MRPL19: variants seen among roughly 807,000 people sequenced by gnomAD.
The protein encoded by MRPL19 is large ribosomal subunit protein bL19m.
A neutral mutation model predicts 34.0 loss-of-function variants in MRPL19; 31 were observed. That is an observed-to-expected ratio of 0.91 (90% CI 0.68 to 1.23). MRPL19 has a LOEUF of 1.23. Among genes scored for constraint, MRPL19 ranks in the 50% most tolerant of loss-of-function variants. The pLI is 0.00. For synonymous variants in MRPL19, 152 were observed against 127.7 expected (o/e 1.19, Z -1.28); for missense variants, 384 against 367.6 (o/e 1.04, Z -0.37).
chr2:75,650,049 T>C (rs1258432065), intron 2 of MRPL19, among the ~76,000 whole-genome samples: 2 of 152,194 alleles, frequency 1.3e-5, no homozygotes, highest in African/African-American at 4.8e-5. Context: ...ATTACTATTT[T>C]TTGGTAGGCT....
rs17689863 is a variant in MRPL19 at position 75,655,273 on chromosome 2, G to A, written c.867G>A (p.Ser289=). 387,450 of 1,610,342 alleles carry A rather than the reference G, an allele frequency of 0.24. 49,468 individuals carry two copies. The highest frequency in any genetic ancestry group is 0.27 in the South Asian group (24,677 of 90,750). ...EAAIWKEIEA[S]KRS is the part of the protein sequence containing the mutation. Reference sequence around the variant, plus strand: ...CAATATGGAAGGAAATTGAAGCGTCGAAAAGGTCTTGATTCTGAGAATGAA... The same window carrying A: ...CAATATGGAAGGAAATTGAAGCGTCAAAAAGGTCTTGATTCTGAGAATGAA... Residue 289 remains serine, a synonymous_variant, in exon 6 of 6, where the codon TCG becomes TCA. Coordinates refer to ENST00000393909, the MANE Select transcript of MRPL19 (RefSeq NM_014763.4).
intron 2 of MRPL19, chr2:75,651,183 C>T (rs1678323886): frequency 2.7e-6 from 1 of 364,190 alleles, no homozygotes. Flanking sequence ...AAATCAGCAT[C>T]CTACTTTCTC....
At position 75,655,597 on chromosome 2, in the gene MRPL19, T is replaced by G. The variant is rs1678431347; in HGVS notation, c.*312T>G. ...AAAGGGAATAGGTGGGATGAATTTT[T>G]TTTTTAATTGTGAAACAATTCATAA... On this transcript the variant is annotated 3_prime_UTR_variant, in exon 6 of 6. Coordinates refer to ENST00000393909, the MANE Select transcript of MRPL19 (RefSeq NM_014763.4). 1 of 204,616 alleles carries G rather than the reference T, an allele frequency of 4.9e-6. No individual in the cohort carries two copies. Among genetic ancestry groups the G allele is most frequent in the Non-Finnish European group, 9.7e-6 (1 of 102,918 alleles). 12.7% of individuals were successfully genotyped at this position (204,616 alleles called of 1,614,324 possible).
intron 2 of MRPL19, among the ~76,000 whole-genome samples, chr2:75,648,023 C>T (rs944274535): frequency 1.3e-4 from 19 of 151,868 alleles, no homozygotes; most frequent in African/African-American, 4.6e-4. Flanking sequence ...GTAGCTGGAA[C>T]TACTGGTACC....
chr2:75,651,372 C>T (rs896804805), intron 2 of MRPL19: 15 of 533,840 alleles, frequency 2.8e-5, no homozygotes, highest in Non-Finnish European at 5.0e-5. Context: ...TGAATGACAC[C>T]GCATATGTAC....
rs1416275437 is a variant in MRPL19, at chr2:75,654,821, G to A, written c.561G>A (p.Leu187=). Residue 187 remains leucine, a synonymous_variant, in exon 5 of 6, where the codon TTG becomes TTA. Coordinates refer to ENST00000393909, the MANE Select transcript of MRPL19 (RefSeq NM_014763.4). ...VKLEKRLDDS[L]LYLRDALPEY... ...TAGAGAAACGGCTGGATGATAGCTT[G>A]CTATACTTACGAGATGCCCTTCCTG... 2.5e-6 allele frequency: 4 copies of A among 1,613,844 alleles called. No homozygotes were observed. Among genetic ancestry groups the A allele is most frequent in the Admixed American group, 1.7e-5 (1 of 59,988 alleles).
intron 4 of MRPL19, among the ~76,000 whole-genome samples, chr2:75,653,272 GAA>G (rs1193227829): frequency 6.6e-6 from 1 of 152,182 alleles, no homozygotes; most frequent in East Asian, 1.9e-4. Flanking sequence ...CAAAGAAATT[GAA>G]AATGTGAAAG....
At position 75,653,397 on chromosome 2, in the gene MRPL19, A is replaced by G. The variant is rs73936759; in HGVS notation, c.475+740A>G. On this transcript the variant is annotated intron_variant, in intron 4 of 5. Transcript: ENST00000393909. ...GTCAAATACTTGGAGAGGCCTTGTA[A>G]TAGAAGTAAATGAGCATAGGAGTGA... Among the ~76,000 whole-genome samples the G allele has an allele frequency of 7.3e-3, 1,106 of 152,334 alleles. 8 individuals carry two copies. The highest frequency in any genetic ancestry group is 0.025 in the African/African-American group (1,056 of 41,562).
At chr2:75,654,125 A>G (rs34356427) in intron 4 of MRPL19, among the ~76,000 whole-genome samples, 29,278 of 152,112 alleles carry the variant, frequency 0.19, 3,562 homozygotes, top group South Asian at 0.27. Context: ...ATCTAAGTTC[A>G]AGGTGCTGGC....
chr2:75,652,238 C>A lies in MRPL19; in HGVS notation c.318C>A (p.Leu106=). 6.3e-7 allele frequency: 1 copy of A among 1,585,200 alleles called. No individual in the cohort carries two copies. The highest frequency in any genetic ancestry group is 1.1e-5 in the South Asian group (1 of 89,006). The stretch of plus-strand genomic sequence containing the variant: ...ATATGTTAGAAAGGAGAAAAGTACT[C>A]CACATTCCAGAGTTCTATGTTGGTC... The part of the protein sequence containing the change: ...RKDMLERRKV[L]HIPEFYVGSI... The change falls in exon 3 of 6, where the codon CTC becomes CTA. Residue 106 remains leucine, a synonymous_variant. Coordinates refer to ENST00000393909, the MANE Select transcript of MRPL19 (RefSeq NM_014763.4).
rs13405970 is a variant in MRPL19, at chr2:75,655,628, A to G, written c.*343A>G. 0.029 allele frequency: 5,084 copies of G among 176,602 alleles called. 283 individuals are homozygous for G. The highest frequency in any genetic ancestry group is 0.11 in the African/African-American group (4,736 of 42,178). The allele number at this position is 176,602 out of a possible 1,614,324, so 10.9% of individuals were successfully genotyped here. A position where few individuals can be genotyped will look rare whatever the true frequency, so the allele number is the denominator to read the frequency against. ...AATTGTGAAACAATTCATAAGCACA[A>G]TATGATTTACAGAATAATAAACATT... is the stretch of plus-strand genomic sequence containing the variant. On this transcript the variant is annotated 3_prime_UTR_variant, in exon 6 of 6. Transcript: ENST00000393909.
intron 3 of MRPL19, 28 bp from the exon 4 acceptor site, chr2:75,652,495 A>G (rs1678353855): frequency 3.1e-6 from 5 of 1,602,082 alleles, no homozygotes; most frequent in African/African-American, 2.7e-5. Flanking sequence ...TGCTGAAAAA[A>G]AAGTTCACTT....
rs561702140 is a variant in MRPL19 at position 75,659,678 on chromosome 2, A to T, written c.*4393A>T. Among the ~76,000 whole-genome samples the T allele has an allele frequency of 6.6e-6, 1 of 152,084 alleles. No homozygotes were observed. The highest frequency in any genetic ancestry group is 1.5e-5 in the Non-Finnish European group (1 of 67,998). ...TTGGTAACAGTATTTTTCTTTCAGC[A>T]CTTTAAATATGTCATCCCACTACCT... On this transcript the variant is annotated 3_prime_UTR_variant, in exon 6 of 6. Coordinates refer to ENST00000393909, the MANE Select transcript of MRPL19 (RefSeq NM_014763.4).
rs1019808852 is a variant in MRPL19, at chr2:75,655,191, A to G, written c.785A>G (p.Gln262Arg). 4 of 1,613,538 alleles carry G rather than the reference A, an allele frequency of 2.5e-6. No individual in the cohort carries two copies. The African/African-American group carries it at 4.0e-5, about 16-fold the overall frequency. Residue 262 changes from glutamine (Q) to arginine (R), a missense_variant, in exon 6 of 6, where the codon CAG (glutamine) becomes CGG (arginine). Gln to Arg is a conservative substitution (Grantham distance 43, BLOSUM62 1). Transcript: ENST00000393909. ...ATGAAAGAAGCTCAGAAGTGGAATC[A>G]GCCATGGCTTGAATTTGATATGATG... is the stretch of plus-strand genomic sequence containing the variant. ...QQMKEAQKWN[Q>R]PWLEFDMMRE...
chr2:75,653,285 C>T (rs1341666591), intron 4 of MRPL19, among the ~76,000 whole-genome samples: 1 of 152,180 alleles, frequency 6.6e-6, no homozygotes, highest in Non-Finnish European at 1.5e-5. Flanking sequence ...AATGTGAAAG[C>T]AGTTGCTGTC....
chr2:75,653,555 A>T (rs546655879), intron 4 of MRPL19, among the ~76,000 whole-genome samples: 1 of 152,236 alleles, frequency 6.6e-6, no homozygotes. Context: ...CCCTCTTGCC[A>T]TTCTCTGTAG....
rs1011697396 is a variant in MRPL19, at chr2:75,654,773, C to A, written c.513C>A (p.Val171=). 2 of 1,613,652 alleles carry A rather than the reference C, an allele frequency of 1.2e-6. No homozygotes were observed. The highest frequency in any genetic ancestry group is 1.1e-5 in the South Asian group (1 of 91,058). ...GCTTTGAACTTTATAATCCTCGGGTCCAGGAGATTCAGGTGGTCAAATTAG... is the reference window on the plus strand; with the variant it reads ...GCTTTGAACTTTATAATCCTCGGGTACAGGAGATTCAGGTGGTCAAATTAG... The part of the protein sequence containing the change: ...EICFELYNPR[V]QEIQVVKLEK... The change falls in exon 5 of 6, where the codon GTC becomes GTA. Residue 171 remains valine (V), a synonymous_variant. Coordinates refer to ENST00000393909, the MANE Select transcript of MRPL19 (RefSeq NM_014763.4).
chr2:75,649,368 AAC>A, intron 2 of MRPL19, among the ~76,000 whole-genome samples: 1 of 152,288 alleles, frequency 6.6e-6, no homozygotes, highest in Non-Finnish European at 1.5e-5. Context: ...AATGTGGCCC[AAC>A]ACAAATCTGT....
In MRPL19 at chr2:75,655,561, G is replaced by A. The variant is rs1352092664; in HGVS notation, c.*276G>A. ...CACCAGAATGGTCTTTAATGAGCATGGAACCTGAGCAAAGGGAATAGGTGG... is the reference window on the plus strand; with the variant it reads ...CACCAGAATGGTCTTTAATGAGCATAGAACCTGAGCAAAGGGAATAGGTGG... On this transcript the variant is annotated 3_prime_UTR_variant, in exon 6 of 6. Transcript: ENST00000393909. 4 of 294,972 alleles carry A rather than the reference G, an allele frequency of 1.4e-5. No homozygotes were observed. Among genetic ancestry groups the A allele is most frequent in the Admixed American group, 9.6e-5 (2 of 20,780 alleles). The allele number at this position is 294,972 out of a possible 1,614,324, so 18.3% of individuals were successfully genotyped here.
Sources: gnomAD v4.1 joint callset for allele counts (sites outside exome capture counted in the v4.1 genomes callset) on GRCh38, gnomAD v4.1.1 for gene constraint, MANE v1.5 for transcripts, NCBI Gene and HGNC (gene_info 2026-07-23, HGNC 2026-07-21) for gene names.